The following SRRM4 variants were observed in gnomAD, a reference collection of about 807,000 sequenced individuals.
SRRM4 encodes the protein serine/arginine repetitive matrix 4.
A neutral mutation model predicts 68.9 loss-of-function variants in SRRM4; 33 were observed. That is an observed-to-expected ratio of 0.48 (90% confidence interval 0.36 to 0.64). The LOEUF (loss-of-function observed/expected upper bound fraction) is 0.64. SRRM4 is among the 30% of genes least tolerant of loss of function. The probability of loss-of-function intolerance (pLI) is 0.00; values close to 1 mark genes in which losing one functional copy is unlikely to be tolerated. For missense variants in SRRM4, 817 were observed against 827.1 expected, an observed-to-expected ratio of 0.99 and a Z score of 0.15; for synonymous variants, 318 against 318.8, an observed-to-expected ratio of 1.00 and a Z score of 0.03.
chr12:119,079,527 G>C (rs1296435952), intron 1 of SRRM4, among the ~76,000 whole-genome samples: 1 of 152,144 alleles, frequency 6.6e-6, no homozygotes, highest in Non-Finnish European at 1.5e-5. Flanking sequence ...CTGATTGCTG[G>C]TGATCTTCCC....
At chr12:119,053,971 A>T (rs1953761169) in intron 1 of SRRM4, among the ~76,000 whole-genome samples, 1 of 151,976 alleles carries the variant, frequency 6.6e-6, no homozygotes, top group Non-Finnish European at 1.5e-5. Flanking sequence ...CAAATAGTAG[A>T]TCTTATTCAT....
Position 119,145,387 on chromosome 12 carries a change from G to A in SRRM4, c.778G>A (p.Gly260Arg). ...GYLSARGVIT[G>R]SGSAADLFTK... The stretch of plus-strand genomic sequence containing the variant: ...CGGGTCTTTTTGCTTTCAGATCACT[G>A]GGTCGGGGTCTGCTGCTGACCTCTT... The change falls in exon 9 of 13, where the codon GGG becomes AGG. Residue 260 changes from glycine to arginine, a missense_variant. Gly to Arg is a moderately radical substitution (Grantham distance 125). Transcript: ENST00000267260. 6.2e-7 allele frequency: 1 copy of A among 1,602,068 alleles called. No homozygotes were observed. The highest frequency in any genetic ancestry group is 8.5e-7 in the Non-Finnish European group (1 of 1,174,054).
chr12:119,144,131 G>A (rs764905533), intron 8 of SRRM4, among the ~76,000 whole-genome samples: 2 of 151,974 alleles, frequency 1.3e-5, no homozygotes, highest in Non-Finnish European at 1.5e-5. Flanking sequence ...CAGGGTTCTC[G>A]GGGCCCCTCT....
intron 1 of SRRM4, among the ~76,000 whole-genome samples, chr12:119,010,792 A>G (rs1394806935): frequency 6.6e-6 from 1 of 152,242 alleles, no homozygotes; most frequent in African/African-American, 2.4e-5. Context: ...GCTCTTAATT[A>G]GGAAAATGGC....
chr12:119,053,300 T>C (rs532270472), intron 1 of SRRM4, among the ~76,000 whole-genome samples: 1 of 152,374 alleles, frequency 6.6e-6, no homozygotes, highest in South Asian at 2.1e-4. Context: ...TGAAGTTTCC[T>C]TTTTAATTGC....
intron 4 of SRRM4, among the ~76,000 whole-genome samples, chr12:119,117,268 G>T (rs1235211699): frequency 5.9e-5 from 9 of 152,108 alleles, no homozygotes; most frequent in African/African-American, 2.2e-4. Flanking sequence ...CTGAGCAAGG[G>T]GCTAGAACAA....
At chr12:119,074,628 T>TA (rs1953897458) in intron 1 of SRRM4, among the ~76,000 whole-genome samples, 1 of 152,138 alleles carries the variant, frequency 6.6e-6, no homozygotes, top group Non-Finnish European at 1.5e-5. Flanking sequence ...GAGATGCTTT[T>TA]AAAAAGTACC....
At chr12:119,030,142 A>G (rs1953579021) in intron 1 of SRRM4, among the ~76,000 whole-genome samples, 1 of 152,220 alleles carries the variant, frequency 6.6e-6, no homozygotes. Flanking sequence ...GATTTTCCAC[A>G]TTCTTTCAGC....
intron 1 of SRRM4, among the ~76,000 whole-genome samples, chr12:119,051,158 G>T (rs1371233793): frequency 6.6e-6 from 1 of 152,194 alleles, no homozygotes; most frequent in East Asian, 1.9e-4. Context: ...CAGTGCAGAG[G>T]ACAGACCCCC....
At position 119,150,391 on chromosome 12, in the gene SRRM4, G is replaced by A. The variant is rs559215018; in HGVS notation, c.1077-626G>A. On this transcript the variant is annotated intron_variant, in intron 9 of 12. Transcript: ENST00000267260. ...GGAGGCTGAGGCAGGAGAATTGCTT[G>A]ACCCCTGAAGGCAGAGGTTGCAGTC... 5.3e-5 allele frequency among the ~76,000 whole-genome samples: 8 copies of A among 152,276 alleles called. No individual in the cohort carries two copies. The South Asian group carries it at 1.7e-3, about 32-fold the overall frequency.
At chr12:119,000,209 T>C (rs891146066) in intron 1 of SRRM4, among the ~76,000 whole-genome samples, 2 of 152,102 alleles carry the variant, frequency 1.3e-5, no homozygotes, top group African/African-American at 4.8e-5. Context: ...AGATGATAAA[T>C]GGGAAAAGAG....
chr12:119,084,407 G>A lies in SRRM4; in HGVS notation c.132-17829G>A, dbSNP rs79065183. On this transcript the variant is annotated intron_variant, in intron 1 of 12. Coordinates refer to ENST00000267260, the MANE Select transcript of SRRM4 (RefSeq NM_194286.4). ...TATTTCTGTGTGCAGCATCCTCTGC[G>A]GAAACCCATCTGCCCTTCAGTACCT... 2.4e-3 allele frequency among the ~76,000 whole-genome samples: 370 copies of A among 152,260 alleles called. 2 individuals carry two copies. Among genetic ancestry groups the A allele is most frequent in the African/African-American group, 8.4e-3 (347 of 41,534 alleles).
At chr12:119,080,647 T>C (rs930350018) in intron 1 of SRRM4, among the ~76,000 whole-genome samples, 1 of 152,144 alleles carries the variant, frequency 6.6e-6, no homozygotes, top group Non-Finnish European at 1.5e-5. Context: ...TTAAGTTCCT[T>C]AGTCAAAATC....
chr12:119,108,262 G>A (rs192718924), intron 2 of SRRM4, among the ~76,000 whole-genome samples: 50 of 152,298 alleles, frequency 3.3e-4, no homozygotes, highest in African/African-American at 1.1e-3. Flanking sequence ...GAATAAGTGC[G>A]ATGTGGTGCT....
Position 119,149,083 on chromosome 12 carries a change from C to A in SRRM4, c.1077-1934C>A, listed in dbSNP as rs144987817. Among the ~76,000 whole-genome samples the A allele has an allele frequency of 9.0e-3, 1,369 of 152,302 alleles. 53 individuals are homozygous for A. The highest frequency in any genetic ancestry group is 0.067 in the East Asian group (349 of 5,182). On this transcript the variant is annotated intron_variant, in intron 9 of 12. Coordinates refer to ENST00000267260, the MANE Select transcript of SRRM4 (RefSeq NM_194286.4). The stretch of plus-strand genomic sequence containing the variant: ...TAGCATTGGCAGCTGGGCGCAGTGG[C>A]TCATGCCTGTAATCCCAGCACTTTG...
intron 1 of SRRM4, among the ~76,000 whole-genome samples, chr12:119,050,682 A>G (rs1434063294): frequency 1.3e-5 from 2 of 152,140 alleles, no homozygotes; most frequent in Non-Finnish European, 1.5e-5. Flanking sequence ...ATTTTCCACT[A>G]TATATCCAGT....
intron 1 of SRRM4, among the ~76,000 whole-genome samples, chr12:118,988,508 A>G (rs1953297053): frequency 1.3e-5 from 2 of 152,230 alleles, no homozygotes; most frequent in Non-Finnish European, 2.9e-5. Context: ...TCTAGCTAAT[A>G]GGAAATCTAG....
intron 1 of SRRM4, among the ~76,000 whole-genome samples, chr12:119,098,696 A>C (rs555442402): frequency 4.4e-4 from 67 of 152,188 alleles, no homozygotes; most frequent in African/African-American, 1.6e-3. Context: ...CTTGCTCCCT[A>C]CTCTACCTTC....
At chr12:119,025,579 G>C (rs1473442077) in intron 1 of SRRM4, among the ~76,000 whole-genome samples, 1 of 152,052 alleles carries the variant, frequency 6.6e-6, no homozygotes, top group African/African-American at 2.4e-5. Context: ...CGAGTAGCTG[G>C]GATTACAGGC....
Sources: gnomAD v4.1 joint callset for allele counts (sites outside exome capture counted in the v4.1 genomes callset) on GRCh38, gnomAD v4.1.1 for gene constraint, MANE v1.5 for transcripts, NCBI Gene and HGNC (gene_info 2026-07-23, HGNC 2026-07-21) for gene names.